The following IKBIP variants were observed in gnomAD, a reference collection of about 807,000 sequenced individuals.
The protein encoded by IKBIP is inhibitor of nuclear factor kappa-B kinase-interacting protein.
In IKBIP, 28 loss-of-function variants were observed where a neutral mutation model predicts 31.0. The ratio of observed to expected loss-of-function variants is 0.90; its 90% CI spans 0.67 to 1.24. The LOEUF (loss-of-function observed/expected upper bound fraction) is 1.24. Ranked by LOEUF, IKBIP falls within the 50% of genes most tolerant of loss-of-function variation. The pLI, the probability that IKBIP is intolerant of heterozygous loss-of-function variation, is 0.00. For missense variants in IKBIP, 453 were observed against 441.9 expected, an observed-to-expected ratio of 1.03 and a Z score of -0.23; for synonymous variants, 164 against 160.3, an observed-to-expected ratio of 1.02 and a Z score of -0.17.
At chr12:98,633,958 C>T (rs1005586965) in intron 2 of IKBIP, among the ~76,000 whole-genome samples, 7 of 152,152 alleles carry the variant, frequency 4.6e-5, no homozygotes, top group South Asian at 4.1e-4. Flanking sequence ...CAGATGAGAT[C>T]GAGCGCATTC....
downstream of IKBIP, among the ~76,000 whole-genome samples, chr12:98,623,919 TTTC>T (rs2097611996): frequency 1.3e-5 from 2 of 151,206 alleles, no homozygotes; most frequent in East Asian, 3.9e-4. Flanking sequence ...TCTCTAATAA[TTTC>T]TTAATAGGAA....
chr12:98,622,896 T>C (rs2097611199), downstream of IKBIP, among the ~76,000 whole-genome samples: 1 of 144,796 alleles, frequency 6.9e-6, no homozygotes, highest in Non-Finnish European at 1.5e-5. Flanking sequence ...ATTTAAAAAT[T>C]ATATATTCAA....
At chr12:98,622,759 T>G (rs2097611085), downstream of IKBIP, among the ~76,000 whole-genome samples, 1 of 152,068 alleles carries the variant, frequency 6.6e-6, no homozygotes, top group South Asian at 2.1e-4. Flanking sequence ...ATACTACTAA[T>G]TTTGCATCTT....
chr12:98,623,340 T>C (rs11109549), downstream of IKBIP, among the ~76,000 whole-genome samples: 47,639 of 150,502 alleles, frequency 0.32, 8,732 homozygotes, highest in East Asian at 0.52. Flanking sequence ...GGGAATGCAA[T>C]GGTGCAGGTC....
chr12:98,634,150 G>C lies in IKBIP; in HGVS notation c.297+146C>G, dbSNP rs1443219487. 7 of 523,270 alleles carry C rather than the reference G, an allele frequency of 1.3e-5. No homozygotes were observed. The South Asian group carries it at 2.0e-4, about 15-fold the overall frequency. 32.4% of individuals were successfully genotyped at this position (523,270 alleles called of 1,614,324 possible). A position where few individuals can be genotyped will look rare whatever the true frequency, so the allele number is the denominator to read the frequency against. On this transcript the variant is annotated intron_variant, in intron 2 of 2. Transcript: ENST00000299157. ...TCTGAGTCAAAATGGCTCAGAGGGA[G>C]AATGTCAAGAGGTAGGAAGATCAGT...
intron 1 of IKBIP, among the ~76,000 whole-genome samples, chr12:98,644,151 G>T (rs75137293): frequency 1.6e-3 from 249 of 152,240 alleles, no homozygotes; most frequent in African/African-American, 5.5e-3. Flanking sequence ...GGGCAGATGT[G>T]TCCCGGAATG....
intron 1 of IKBIP, among the ~76,000 whole-genome samples, chr12:98,637,791 A>T (rs1593000152): frequency 6.6e-6 from 1 of 150,888 alleles, no homozygotes; most frequent in African/African-American, 2.4e-5. Context: ...GCTAACTGCA[A>T]CCTCCACCTC....
At chr12:98,623,560 CTTTTTTTTTTTTT>C (rs35433597), downstream of IKBIP, among the ~76,000 whole-genome samples, 462 of 64,268 alleles carry the variant, frequency 7.2e-3, 34 homozygotes, top group African/African-American at 0.031. Context: ...CCTCCTTACA[CTTTTTTTTTTTTT>C]TTTTTTTTTT....
At chr12:98,618,856 T>G (rs1565837364) in intron 2 of IKBIP, among the ~76,000 whole-genome samples, 1 of 152,184 alleles carries the variant, frequency 6.6e-6, no homozygotes, top group Non-Finnish European at 1.5e-5. Context: ...TAAAAATGAA[T>G]TATGCTCAGA....
chr12:98,614,801 A>C (rs1258193631), intron 2 of IKBIP, among the ~76,000 whole-genome samples: 1 of 152,216 alleles, frequency 6.6e-6, no homozygotes, highest in Non-Finnish European at 1.5e-5. Context: ...TTCAGAAGTA[A>C]GAGAATTTAG....
intron 2 of IKBIP, among the ~76,000 whole-genome samples, chr12:98,617,239 G>C (rs2097606776): frequency 6.6e-6 from 1 of 152,178 alleles, no homozygotes; most frequent in African/African-American, 2.4e-5. Flanking sequence ...GAATTTCCAA[G>C]GTTCTAAAAT....
intron 2 of IKBIP, chr12:98,614,465 C>A (rs2097605184): frequency 1.9e-6 from 1 of 535,838 alleles, no homozygotes; most frequent in African/African-American, 2.0e-5. Flanking sequence ...TGTTCTGTTA[C>A]CCAGGATGGA....
chr12:98,634,020 C>G (rs567829909), intron 2 of IKBIP, among the ~76,000 whole-genome samples: 2 of 152,226 alleles, frequency 1.3e-5, no homozygotes, highest in East Asian at 3.9e-4. Context: ...GCTCTAGATA[C>G]CTGACACTTA....
At chr12:98,613,919 T>C in exon 3 of IKBIP, 5 of 1,613,676 alleles carry the variant, frequency 3.1e-6, no homozygotes, top group Non-Finnish European at 4.2e-6. Flanking sequence ...CTTAACAGAG[T>C]TAATTCTTTG....
exon 3 of IKBIP, chr12:98,613,788 C>T (rs1270321113): frequency 1.2e-6 from 2 of 1,610,546 alleles, no homozygotes; most frequent in Non-Finnish European, 1.7e-6. Context: ...AGATTATACA[C>T]CTTTGGTTTT....
chr12:98,632,620 ATTTTTTTT>A (rs35887973), intron 2 of IKBIP, among the ~76,000 whole-genome samples: 1 of 90,852 alleles, frequency 1.1e-5, no homozygotes, highest in African/African-American at 4.4e-5. Flanking sequence ...CCAGATTCCA[ATTTTTTTT>A]TTTTTTTTTT....
intron 2 of IKBIP, among the ~76,000 whole-genome samples, chr12:98,631,777 CCT>C (rs1287724666): frequency 2.0e-5 from 3 of 148,500 alleles, no homozygotes; most frequent in Non-Finnish European, 3.0e-5. Flanking sequence ...CTGTACCACC[CCT>C]GACCTCCCCC....
chr12:98,620,163 C>T (rs796333892), downstream of IKBIP, among the ~76,000 whole-genome samples: 10 of 150,494 alleles, frequency 6.6e-5, no homozygotes, highest in South Asian at 2.1e-4. Context: ...TCAAGTAATC[C>T]GCCCACCTCA....
intron 1 of IKBIP, among the ~76,000 whole-genome samples, chr12:98,635,311 G>C (rs2097624864): frequency 6.6e-6 from 1 of 151,932 alleles, no homozygotes; most frequent in Non-Finnish European, 1.5e-5. Flanking sequence ...GCCCCAAGGT[G>C]GTCTTGAATT....
Sources: allele counts gnomAD v4.1 joint callset (sites outside exome capture counted in the v4.1 genomes callset), GRCh38; gene constraint gnomAD v4.1.1; transcripts MANE v1.5; gene names NCBI Gene and HGNC (gene_info 2026-07-23, HGNC 2026-07-21).